The following PAN2 variants were observed in gnomAD, a reference collection of about 807,000 sequenced individuals.
PAN2 encodes the protein PAN2-PAN3 deadenylation complex catalytic subunit PAN2.
A neutral mutation model predicts 133.3 loss-of-function variants in PAN2; 68 were observed. That is an observed-to-expected ratio of 0.51 (90% CI 0.42 to 0.62). The LOEUF (loss-of-function observed/expected upper bound fraction) is 0.62, where lower values mean the gene tolerates loss of function less well. Ranked by LOEUF, PAN2 falls within the 20% of genes least tolerant of loss-of-function variation. PAN2 has a pLI of 0.00. For synonymous variants in PAN2, 462 were observed against 544.6 expected (o/e 0.85, Z 2.11); for missense variants, 1,042 against 1,500.5 (o/e 0.69, Z 5.05).
Position 56,324,185 on chromosome 12 carries a change from G to T in PAN2, c.1929C>A (p.Ser643Arg). The change falls in exon 13 of 26, where the codon AGC becomes AGA. Residue 643 changes from serine to arginine, a missense_variant and splice_region_variant. By Grantham distance (110) the Ser-to-Arg change is moderately radical. This residue lies in a region of PAN2 where 908 missense variants were observed against 1,223.5 expected (regional missense o/e 0.74). Coordinates refer to ENST00000440411, the MANE Select transcript of PAN2 (RefSeq NM_014871.6). ...CAGAGTCCCCCGATGAGCAAAAGCT[G>T]CTAAGAGTGGAGAGGATGATATATG... ...IPQAYRGAGG[S>R]SFCSSGDSVI... 1 of 1,613,822 alleles carries T rather than the reference G, an allele frequency of 6.2e-7. No individual in the cohort carries two copies. Among genetic ancestry groups the T allele is most frequent in the Non-Finnish European group, 8.5e-7 (1 of 1,180,024 alleles).
chr12:56,323,397 G>T lies in PAN2; in HGVS notation c.2272-13C>A. 1 of 1,612,132 alleles carries T rather than the reference G, an allele frequency of 6.2e-7. No individual in the cohort carries two copies. Among genetic ancestry groups the T allele is most frequent in the Non-Finnish European group, 8.5e-7 (1 of 1,179,418 alleles). On this transcript the variant is annotated splice_polypyrimidine_tract_variant and intron_variant, in intron 15 of 25. Transcript: ENST00000440411. ...TCTTGAAGGCAACCTGAACACAGAA[G>T]AAAAACATCCAGTTCTTCAGGAATG...
Position 56,323,384 on chromosome 12 carries a change from C to A in PAN2, c.2272G>T (p.Val758Phe). The A allele has an allele frequency of 6.2e-7, 1 of 1,613,260 alleles. No individual in the cohort carries two copies. The highest frequency in any genetic ancestry group is 8.5e-7 in the Non-Finnish European group (1 of 1,179,780). The change falls in exon 16 of 26, where the codon GTT (valine) becomes TTT (phenylalanine). Residue 758 changes from valine to phenylalanine, a missense_variant and splice_region_variant. Val to Phe is a conservative substitution (Grantham distance 50, BLOSUM62 -1). Around this residue, in one of 3 missense-constraint regions of PAN2, gnomAD observed 908 missense variants for 1,223.5 expected, o/e 0.74. Coordinates refer to ENST00000440411, the MANE Select transcript of PAN2 (RefSeq NM_014871.6). ...EADFWRMQAE[V>F]AFKMAVKKHG... The stretch of plus-strand genomic sequence containing the variant: ...TTCTTTACTGCCATCTTGAAGGCAA[C>A]CTGAACACAGAAGAAAAACATCCAG...
intron 12 of PAN2, 39 bp downstream of exon 12, chr12:56,324,255 G>A (rs776509867): frequency 2.5e-6 from 4 of 1,611,030 alleles, no homozygotes; most frequent in Non-Finnish European, 2.5e-6. Context: ...AGAGGGGCCT[G>A]TCATGATGGC....
chr12:56,318,514 A>C, intron 24 of PAN2, 80 bp from the exon 25 acceptor site: 1 of 1,107,792 alleles, frequency 9.0e-7, no homozygotes, highest in East Asian at 2.4e-5. Flanking sequence ...ACCTGACTCC[A>C]GAAAACTAAA....
In PAN2 at chr12:56,324,684, C is replaced by T. The variant is rs773258881; in HGVS notation, c.1625G>A (p.Arg542His). 5.6e-6 allele frequency: 9 copies of T among 1,613,866 alleles called. No individual in the cohort carries two copies. The South Asian group carries it at 8.8e-5, about 16-fold the overall frequency. ...GCAAAGGTGGTTTTGAATTAGACAG[C>T]GTACAGGCTCCAGGAAATAGAGCAC... The part of the protein sequence containing the change: ...IQVLYFLEPV[R>H]CLIQNHLCQK... Residue 542 changes from arginine to histidine, a missense_variant, in exon 11 of 26, where the codon CGC becomes CAC. Around this residue, in one of 3 missense-constraint regions of PAN2, gnomAD observed 908 missense variants for 1,223.5 expected, o/e 0.74. Transcript: ENST00000440411.
At position 56,319,297 on chromosome 12, in the gene PAN2, C is replaced by T; in HGVS notation, c.3270+11G>A. ...TCTCACAAGAAGACTCTTAAAAGAG[C>T]CCTGCCAAACCATCAGGTTGATGAC... On this transcript the variant is annotated intron_variant, in intron 23 of 25. Coordinates refer to ENST00000440411, the MANE Select transcript of PAN2 (RefSeq NM_014871.6). The surrounding 1 kb of genome is among the most constrained non-coding windows in gnomAD (Gnocchi z 5.4). The T allele has an allele frequency of 1.9e-6, 3 of 1,611,948 alleles. No homozygotes were observed. Among genetic ancestry groups the T allele is most frequent in the Non-Finnish European group, 2.5e-6 (3 of 1,178,964 alleles).
intron 5 of PAN2, 131 bp from the exon 6 acceptor site, chr12:56,327,762 GCAAA>G (rs2135984802): frequency 7.8e-7 from 1 of 1,282,214 alleles, no homozygotes; most frequent in East Asian, 2.5e-5. Context: ...CACAGAAAAG[GCAAA>G]CAGAGAAGCC....
rs1349593686 is a variant in PAN2 at position 56,324,295 on chromosome 12, T to C, written c.1927A>G (p.Ser643Gly). The C allele has an allele frequency of 9.9e-6, 16 of 1,613,428 alleles. No individual in the cohort carries two copies. The South Asian group carries it at 1.8e-4, about 18-fold the overall frequency. ...ACTATTTCTATCCTGATTTCATACC[T>C]GCCTCCAGCACCTCGATAAGCCTGT... is the stretch of plus-strand genomic sequence containing the variant. ...IPQAYRGAGG[S>G]SFCSSGDSVI... Residue 643 changes from serine (S) to glycine (G), a missense_variant and splice_region_variant, in exon 12 of 26, where the codon AGC (serine) becomes GGC (glycine). By Grantham distance (56) the Ser-to-Gly change is moderately conservative. Around this residue, in one of 3 missense-constraint regions of PAN2, gnomAD observed 908 missense variants for 1,223.5 expected, o/e 0.74. Transcript: ENST00000440411.
chr12:56,317,519 A>G lies in PAN2; in HGVS notation c.*90T>C. On this transcript the variant is annotated 3_prime_UTR_variant, in exon 26 of 26. Transcript: ENST00000440411. ...TGAGCACGTCCAGTACTGGAAGTGGACAAGGTATAGCCAACTTAGGAAGCC... is the reference window on the plus strand; with the variant it reads ...TGAGCACGTCCAGTACTGGAAGTGGGCAAGGTATAGCCAACTTAGGAAGCC... 2 of 1,084,390 alleles carry G rather than the reference A, an allele frequency of 1.8e-6. No individual in the cohort carries two copies. The highest frequency in any genetic ancestry group is 2.4e-5 in the East Asian group (1 of 42,102). The allele number at this position is 1,084,390 out of a possible 1,614,324, so 67.2% of individuals were successfully genotyped here.
In PAN2 at chr12:56,323,823, T is replaced by G. The variant is rs1874830996; in HGVS notation, c.2156A>C (p.Glu719Ala). The change falls in exon 14 of 26, where the codon GAA (glutamate) becomes GCA (alanine). Residue 719 changes from glutamate to alanine, a missense_variant. Physicochemically the swap from Glu to Ala is moderately radical, Grantham distance 107. Around this residue, in one of 3 missense-constraint regions of PAN2, gnomAD observed 908 missense variants for 1,223.5 expected, o/e 0.74. Coordinates refer to ENST00000440411, the MANE Select transcript of PAN2 (RefSeq NM_014871.6). ...QNTQAWCDTC[E>A]KYQPTIQTRN... Reference sequence around the variant, plus strand: ...TCCACTCACCGTGGGCTGGTACTTTTCACAGGTGTCACACCAGGCCTGTGT... The same window carrying G: ...TCCACTCACCGTGGGCTGGTACTTTGCACAGGTGTCACACCAGGCCTGTGT... The G allele has an allele frequency of 6.2e-7, 1 of 1,612,820 alleles. No individual in the cohort carries two copies. The highest frequency in any genetic ancestry group is 8.5e-7 in the Non-Finnish European group (1 of 1,178,906).
chr12:56,330,636 G>A (rs1490686731), intron 2 of PAN2, among the ~76,000 whole-genome samples: 1 of 151,890 alleles, frequency 6.6e-6, no homozygotes, highest in Non-Finnish European at 1.5e-5. Context: ...TGGGATTACA[G>A]GCGTGAGCCA....
intron 2 of PAN2, among the ~76,000 whole-genome samples, chr12:56,331,813 A>G (rs1875903002): frequency 6.6e-6 from 1 of 151,502 alleles, no homozygotes; most frequent in African/African-American, 2.4e-5. Context: ...TCCCAGGTTC[A>G]AGCGATTCTC....
intron 16 of PAN2, 39 bp from the exon 17 acceptor site, chr12:56,323,248 G>A (rs771198917): frequency 1.2e-6 from 2 of 1,613,954 alleles, no homozygotes; most frequent in Non-Finnish European, 8.5e-7. Flanking sequence ...TTCCGAAAGA[G>A]GTCTTGATAA....
intron 2 of PAN2, among the ~76,000 whole-genome samples, chr12:56,329,567 G>A (rs140312936): frequency 1.3e-4 from 20 of 151,892 alleles, no homozygotes; most frequent in Non-Finnish European, 2.2e-4. Flanking sequence ...CTGACCTCAG[G>A]TGATCCACCT....
At chr12:56,318,686 A>G (rs1323662218) in intron 24 of PAN2, 2 of 476,036 alleles carry the variant, frequency 4.2e-6, no homozygotes, top group East Asian at 7.1e-5. Context: ...TTTTCCCCCC[A>G]TGCTTTTATT....
chr12:56,318,476 G>T (rs763421286), intron 24 of PAN2, 42 bp from the exon 25 acceptor site: 1 of 1,524,628 alleles, frequency 6.6e-7, no homozygotes, highest in South Asian at 1.1e-5. Context: ...CCCAGCAAAG[G>T]GAGGTAGGAA....
intron 20 of PAN2, among the ~76,000 whole-genome samples, chr12:56,321,752 G>A (rs1005697425): frequency 2.6e-5 from 4 of 151,342 alleles, no homozygotes; most frequent in Non-Finnish European, 4.4e-5. Flanking sequence ...TCAGGAGGCT[G>A]AGGCAGGAGA....
chr12:56,328,325 T>G lies in PAN2; in HGVS notation c.486A>C (p.Leu162=), dbSNP rs368444910. The stretch of plus-strand genomic sequence containing the variant: ...CGAGTAGAGTGCTGCTGTCAGTCAG[T>G]AGGAGACTGTGCATATCCTCATTCT... The part of the protein sequence containing the change: ...LDENEDMHSL[L]LTDSSTLLVG... The change falls in exon 4 of 26, where the codon CTA becomes CTC. Residue 162 remains leucine (L), a synonymous_variant. Coordinates refer to ENST00000440411, the MANE Select transcript of PAN2 (RefSeq NM_014871.6). 3 of 1,608,562 alleles carry G rather than the reference T, an allele frequency of 1.9e-6. No homozygotes were observed. Among genetic ancestry groups the G allele is most frequent in the Admixed American group, 3.4e-5 (2 of 59,192 alleles).
chr12:56,322,565 C>T, intron 18 of PAN2, 50 bp downstream of exon 18: 1 of 1,610,606 alleles, frequency 6.2e-7, no homozygotes, highest in Non-Finnish European at 8.5e-7. Flanking sequence ...AGATCTGGGA[C>T]TCACTGTGGC....
Sources: allele counts gnomAD v4.1 joint callset (sites outside exome capture counted in the v4.1 genomes callset), GRCh38; gene constraint gnomAD v4.1.1; regional missense constraint gnomAD v4.1.1; non-coding constraint Gnocchi (gnomAD v3.1); transcripts MANE v1.5; gene names NCBI Gene and HGNC (gene_info 2026-07-23, HGNC 2026-07-21).